Variants in DAZL observed in about 807,000 individuals in gnomAD.
DAZL encodes the protein deleted in azoospermia like, also known as deleted in azoospermia-like.
Under a neutral mutation model 45.0 loss-of-function variants are expected in DAZL, and 4 were observed. The observed-to-expected ratio is 0.09, with a 90% CI of 0.04 to 0.20. The LOEUF (loss-of-function observed/expected upper bound fraction) is 0.20. Among genes scored for constraint, DAZL ranks in the 10% least tolerant of loss-of-function variants. DAZL has a pLI of 1.00. For synonymous variants in DAZL, 122 were observed against 112.4 expected, an observed-to-expected ratio of 1.09 and a Z score of -0.54; for missense variants, 326 against 351.3, an observed-to-expected ratio of 0.93 and a Z score of 0.58.
chr3:16,592,184 CTCTT>C (rs1331545772), intron 9 of DAZL, 36 bp from the exon 10 acceptor site: 64 of 1,605,202 alleles, frequency 4.0e-5, no homozygotes, highest in Non-Finnish European at 4.9e-5. Context: ...GTAAAGACGA[CTCTT>C]TCACTCACTC....
chr3:16,597,415 C>T lies in DAZL; in HGVS notation c.294+75G>A, dbSNP rs373680387. 4.0e-6 allele frequency: 4 copies of T among 1,011,522 alleles called. No homozygotes were observed. The African/African-American group carries it at 4.8e-5, about 12-fold the overall frequency. 62.7% of individuals were successfully genotyped at this position (1,011,522 alleles called of 1,614,324 possible). ...AGTGTATCGTCTTCCAAATTTTACA[C>T]AAGACTGAGTATATCACTTGACACT... On this transcript the variant is annotated intron_variant, in intron 4 of 10. Coordinates refer to ENST00000399444, the MANE Select transcript of DAZL (RefSeq NM_001351.4).
chr3:16,595,924 GA>G (rs1374138808), intron 6 of DAZL, among the ~76,000 whole-genome samples: 1 of 151,696 alleles, frequency 6.6e-6, no homozygotes, highest in Non-Finnish European at 1.5e-5. Flanking sequence ...GCTACTGATT[GA>G]AAACATATAG....
intron 1 of DAZL, chr3:16,604,761 G>C: frequency 2.9e-6 from 4 of 1,360,160 alleles, no homozygotes; most frequent in Non-Finnish European, 3.8e-6. Context: ...CGCCAGAAAT[G>C]AGGCTGGCGG....
At position 16,605,352 on chromosome 3, in the gene DAZL, A is replaced by G. The variant is rs549339599; in HGVS notation, c.-147T>C. ...GGAGCCAAAGATGAAGAGAAAAGGA[A>G]AACCAAGAGCGGGTGACAAGGCTGA... On this transcript the variant is annotated 5_prime_UTR_variant, in exon 1 of 11. Coordinates refer to ENST00000399444, the MANE Select transcript of DAZL (RefSeq NM_001351.4). The G allele has an allele frequency of 4.7e-5, 47 of 1,002,972 alleles. No homozygotes were observed. Among genetic ancestry groups the G allele is most frequent in the Middle Eastern group, 2.1e-4 (1 of 4,716 alleles). 62.1% of individuals were successfully genotyped at this position (1,002,972 alleles called of 1,614,324 possible). A position where few individuals can be genotyped will look rare whatever the true frequency, so the allele number is the denominator to read the frequency against.
In DAZL at chr3:16,604,733, G is replaced by A. The variant is rs1435862963; in HGVS notation, c.3+470C>T. Reference sequence around the variant, plus strand: ...CTCAGCAGGCCCGCCGCCATCTTGCGGAGCCACGGGGAGAGCGCGCCAGAA... The same window carrying A: ...CTCAGCAGGCCCGCCGCCATCTTGCAGAGCCACGGGGAGAGCGCGCCAGAA... On this transcript the variant is annotated intron_variant, in intron 1 of 10. Coordinates refer to ENST00000399444, the MANE Select transcript of DAZL (RefSeq NM_001351.4). 3.7e-5 allele frequency: 50 copies of A among 1,352,698 alleles called. No homozygotes were observed. The Admixed American group carries it at 7.5e-4, about 20-fold the overall frequency. 83.8% of individuals were successfully genotyped at this position (1,352,698 alleles called of 1,614,324 possible).
At chr3:16,597,303 T>G (rs2195155) in intron 4 of DAZL, among the ~76,000 whole-genome samples, 187 bp downstream of exon 4, 1 of 152,034 alleles carries the variant, frequency 6.6e-6, no homozygotes, top group Non-Finnish European at 1.5e-5. Flanking sequence ...CTGTCTGTAG[T>G]TCATGAACCT....
At chr3:16,593,607 C>T (rs1347656465) in intron 9 of DAZL, 48 bp downstream of exon 9, 1 of 1,203,012 alleles carries the variant, frequency 8.3e-7, no homozygotes, top group South Asian at 1.5e-5. Flanking sequence ...ATTATTAAAA[C>T]TAGAAAAAAT....
At position 16,602,964 on chromosome 3, in the gene DAZL, A is replaced by C. The variant is rs569140844; in HGVS notation, c.3+2239T>G. ...ATGAATCAATACAAATAAAAATAAAAAGGAAGTTTAAAAAGCTAATGATCG... is the reference window on the plus strand; with the variant it reads ...ATGAATCAATACAAATAAAAATAAACAGGAAGTTTAAAAAGCTAATGATCG... On this transcript the variant is annotated intron_variant, in intron 1 of 10. Coordinates refer to ENST00000399444, the MANE Select transcript of DAZL (RefSeq NM_001351.4). Among the ~76,000 whole-genome samples, 14 of 152,336 alleles carry C rather than the reference A, an allele frequency of 9.2e-5. No homozygotes were observed. The East Asian group carries it at 2.7e-3, about 29-fold the overall frequency.
chr3:16,592,003 A>C, intron 10 of DAZL, 47 bp downstream of exon 10: 1 of 1,575,848 alleles, frequency 6.3e-7, no homozygotes. Context: ...GATACTTTAA[A>C]GCTAACAAGT....
In DAZL at chr3:16,605,342, G is replaced by A. The variant is rs1694763158; in HGVS notation, c.-137C>T. ...AGTGGTCAAAGGAGCCAAAGATGAA[G>A]AGAAAAGGAAAACCAAGAGCGGGTG... On this transcript the variant is annotated 5_prime_UTR_variant, in exon 1 of 11. Transcript: ENST00000399444. The A allele has an allele frequency of 2.7e-6, 3 of 1,099,312 alleles. No individual in the cohort carries two copies. Among genetic ancestry groups the A allele is most frequent in the Non-Finnish European group, 2.8e-6 (2 of 714,392 alleles). The allele number at this position is 1,099,312 out of a possible 1,614,324, so 68.1% of individuals were successfully genotyped here.
At chr3:16,591,639 G>T (rs1420818592) in intron 10 of DAZL, among the ~76,000 whole-genome samples, 1 of 152,006 alleles carries the variant, frequency 6.6e-6, no homozygotes, top group Non-Finnish European at 1.5e-5. Context: ...TTGCCATGTT[G>T]CCCAGGGTGG....
intron 1 of DAZL, chr3:16,604,627 C>T (rs1193069953): frequency 1.5e-6 from 2 of 1,370,022 alleles, no homozygotes; most frequent in Non-Finnish European, 1.9e-6. Flanking sequence ...ACGAACCCCG[C>T]CCACCCCACC....
chr3:16,590,331 A>C (rs1029803921), intron 10 of DAZL, among the ~76,000 whole-genome samples: 1 of 152,182 alleles, frequency 6.6e-6, no homozygotes, highest in Admixed American at 6.5e-5. Context: ...ATTATACAGG[A>C]GATCCATAAT....
intron 1 of DAZL, chr3:16,604,317 G>A: frequency 2.4e-6 from 2 of 849,962 alleles, no homozygotes; most frequent in South Asian, 1.8e-5. Flanking sequence ...TCACAAAAAC[G>A]CACACCCAAC....
At chr3:16,593,586 C>T in intron 9 of DAZL, 69 bp downstream of exon 9, 1 of 1,030,866 alleles carries the variant, frequency 9.7e-7, no homozygotes. Flanking sequence ...ATGATTGCTT[C>T]TCAAAAAACC....
intron 6 of DAZL, 137 bp downstream of exon 6, chr3:16,596,613 A>G: frequency 9.6e-6 from 9 of 941,018 alleles, no homozygotes; most frequent in East Asian, 2.5e-5. Flanking sequence ...ATTTCTAACA[A>G]AAGTAATAAA....
At chr3:16,597,353 G>C in intron 4 of DAZL, 137 bp downstream of exon 4, 1 of 754,824 alleles carries the variant, frequency 1.3e-6, no homozygotes, top group Non-Finnish European at 2.3e-6. Context: ...AACAAGTTAT[G>C]TAAGATTCCT....
intron 6 of DAZL, among the ~76,000 whole-genome samples, chr3:16,595,947 C>A (rs2125045773): frequency 6.6e-6 from 1 of 151,556 alleles, no homozygotes. Context: ...TGGCAGCATA[C>A]ACGAATACAC....
Position 16,588,397 on chromosome 3 carries a change from T to TA in DAZL, c.*262dup, listed in dbSNP as rs1694470133. 2.7e-6 allele frequency: 1 copy of TA among 365,626 alleles called. No homozygotes were observed. Among genetic ancestry groups the TA allele is most frequent in the African/African-American group, 2.1e-5 (1 of 48,466 alleles). The allele number at this position is 365,626 out of a possible 1,614,324, so 22.6% of individuals were successfully genotyped here. ...TTTAAACACTTAAAATGCCAATTTTTAAAAAATCCTTGCAGATAAATCTTA... is the reference window on the plus strand; with the variant it reads ...TTTAAACACTTAAAATGCCAATTTTTAAAAAAATCCTTGCAGATAAATCTTA... On this transcript the variant is annotated 3_prime_UTR_variant, in exon 11 of 11. Transcript: ENST00000399444.
Sources: gnomAD v4.1 joint callset for allele counts (sites outside exome capture counted in the v4.1 genomes callset) on GRCh38, gnomAD v4.1.1 for gene constraint, MANE v1.5 for transcripts, NCBI Gene and HGNC (gene_info 2026-07-23, HGNC 2026-07-21) for gene names.